TPRG1: variants seen among roughly 807,000 people sequenced by gnomAD.
TPRG1 encodes the protein tumor protein p63-regulated gene 1 protein.
TPRG1 carries 29 observed loss-of-function variants against 29.3 expected under a neutral mutation model. That is an observed-to-expected ratio of 0.99 (90% CI 0.74 to 1.35). The LOEUF is 1.35. Among genes scored for constraint, TPRG1 ranks in the 40% most tolerant of loss-of-function variants. The pLI is 0.00. For missense variants in TPRG1, 327 were observed against 335.0 expected (o/e 0.98, Z 0.19); for synonymous variants, 130 against 116.8 (o/e 1.11, Z -0.73).
chr3:189,296,971 C>CTCT (rs57313799), intron 4 of TPRG1, among the ~76,000 whole-genome samples: 15,974 of 151,434 alleles, frequency 0.11, 932 homozygotes, highest in East Asian at 0.2. Context: ...CTGATAAACC[C>CTCT]TCTTCTTCTT....
intron 1 of TPRG1, among the ~76,000 whole-genome samples, chr3:189,197,739 CTGGATATGTA>C (rs1732777427): frequency 6.6e-6 from 1 of 152,128 alleles, no homozygotes; most frequent in Non-Finnish European, 1.5e-5. Context: ...CCCAAGAGAT[CTGGATATGTA>C]GATTAAGTGG....
chr3:189,125,875 G>GTGTGTGTGTGT (rs1553907353), intron 1 of TPRG1, among the ~76,000 whole-genome samples: 1 of 131,828 alleles, frequency 7.6e-6, no homozygotes, highest in Non-Finnish European at 1.6e-5. Context: ...GTGTGTGTTT[G>GTGTGTGTGTGT]GTATATTTAG....
At chr3:189,042,462 CA>C (rs1714694470) in intron 4 of TPRG1, among the ~76,000 whole-genome samples, 1 of 151,978 alleles carries the variant, frequency 6.6e-6, no homozygotes. Context: ...TGTTATGTTT[CA>C]AAAATCTCAT....
At chr3:189,199,535 G>A (rs1449174593) in intron 1 of TPRG1, among the ~76,000 whole-genome samples, 1 of 152,070 alleles carries the variant, frequency 6.6e-6, no homozygotes, top group Non-Finnish European at 1.5e-5. Context: ...AACCCCTCAG[G>A]TAACCTCAAG....
At position 189,133,455 on chromosome 3, in the gene TPRG1, G is replaced by A. The variant is rs766278558; in HGVS notation, c.-291+758G>A. Among the ~76,000 whole-genome samples, 8 of 152,204 alleles carry A rather than the reference G, an allele frequency of 5.3e-5. No homozygotes were observed. In the East Asian group the frequency reaches 7.7e-4, roughly 15 times the overall value. ...TGCCATCTTGAATTGTAATCCCCTC[G>A]TATTGAGGGAGGGAAGTGACTGGAT... On this transcript the variant is annotated intron_variant, in intron 3 of 6. Transcript: ENST00000412373.
At chr3:189,111,687 A>C (rs1369670116) in intron 1 of TPRG1, among the ~76,000 whole-genome samples, 1 of 152,176 alleles carries the variant, frequency 6.6e-6, no homozygotes, top group African/African-American at 2.4e-5. Flanking sequence ...ATTTGTATAC[A>C]GTAACATGAT....
chr3:189,108,551 C>T (rs373802399), intron 1 of TPRG1, among the ~76,000 whole-genome samples: 5 of 147,220 alleles, frequency 3.4e-5, no homozygotes, highest in Admixed American at 6.7e-5. Context: ...TTTTTCGCCT[C>T]GGAACAACTG....
At chr3:189,132,904 G>C (rs1350950892) in intron 3 of TPRG1, among the ~76,000 whole-genome samples, 1 of 152,156 alleles carries the variant, frequency 6.6e-6, no homozygotes. Flanking sequence ...CAGGCACTGA[G>C]CTAAGTTCTG....
intron 4 of TPRG1, among the ~76,000 whole-genome samples, chr3:189,307,788 C>A (rs978954045): frequency 6.6e-6 from 1 of 152,148 alleles, no homozygotes; most frequent in East Asian, 1.9e-4. Context: ...TTCCAAGAGC[C>A]CTTCTAGCTC....
chr3:189,162,941 TA>T (rs879741858), intron 5 of TPRG1, among the ~76,000 whole-genome samples: 5 of 152,222 alleles, frequency 3.3e-5, no homozygotes, highest in African/African-American at 4.8e-5. Context: ...ATTTGTTAAA[TA>T]ATTAGAAATA....
intron 4 of TPRG1, among the ~76,000 whole-genome samples, chr3:189,044,276 C>T (rs890893071): frequency 6.6e-6 from 1 of 152,006 alleles, no homozygotes; most frequent in Non-Finnish European, 1.5e-5. Flanking sequence ...AAAATGTGGC[C>T]GGGTACGGTG....
At chr3:189,306,727 G>A (rs1392310624) in intron 4 of TPRG1, among the ~76,000 whole-genome samples, 1 of 152,124 alleles carries the variant, frequency 6.6e-6, no homozygotes, top group Non-Finnish European at 1.5e-5. Context: ...GTACAGAGTG[G>A]GTAGTATGGT....
rs1460392016 is a variant in TPRG1, at chr3:189,142,007, G to A, written c.-290-5577G>A. On this transcript the variant is annotated intron_variant, in intron 3 of 6. Transcript: ENST00000412373. ...CAAGCACCTGTTCAAAGACCTGAAA[G>A]AGGGACCAAGTTTAAGGAGTCTGAG... 3.9e-5 allele frequency among the ~76,000 whole-genome samples: 6 copies of A among 152,278 alleles called. No individual in the cohort carries two copies. In the East Asian group the frequency reaches 1.2e-3, roughly 29 times the overall value.
At chr3:189,247,880 C>G (rs547200356) in intron 4 of TPRG1, among the ~76,000 whole-genome samples, 43 of 151,700 alleles carry the variant, frequency 2.8e-4, no homozygotes, top group African/African-American at 1.0e-3. Flanking sequence ...TATTAATATA[C>G]TATTGAATAT....
intron 4 of TPRG1, among the ~76,000 whole-genome samples, chr3:189,249,024 ATAT>A (rs1741765840): frequency 6.6e-6 from 1 of 151,454 alleles, no homozygotes; most frequent in Non-Finnish European, 1.5e-5. Flanking sequence ...AGTATATCAT[ATAT>A]ATAGAGTTCT....
chr3:189,072,748 T>C (rs1716886053), intron 4 of TPRG1, among the ~76,000 whole-genome samples: 1 of 151,680 alleles, frequency 6.6e-6, no homozygotes, highest in Non-Finnish European at 1.5e-5. Flanking sequence ...TCGTTCTCTT[T>C]ATATCTCTCT....
At chr3:189,250,585 C>A (rs992001283) in intron 4 of TPRG1, among the ~76,000 whole-genome samples, 6 of 128,684 alleles carry the variant, frequency 4.7e-5, no homozygotes, top group Non-Finnish European at 9.3e-5. Context: ...TTACTTCTAA[C>A]TTATTTGGCC....
At chr3:189,225,221 A>G (rs911614295) in intron 3 of TPRG1, among the ~76,000 whole-genome samples, 2 of 152,146 alleles carry the variant, frequency 1.3e-5, no homozygotes, top group Admixed American at 6.5e-5. Context: ...GTGAGCCATC[A>G]CGCCCTGCCG....
chr3:189,312,938 T>C (rs533505802), intron 5 of TPRG1: 1 of 152,322 alleles, frequency 6.6e-6, no homozygotes, highest in Admixed American at 6.5e-5. Flanking sequence ...ACGAACATGA[T>C]AGACGGTGAG....
Sources: allele counts gnomAD v4.1 joint callset (sites outside exome capture counted in the v4.1 genomes callset), GRCh38; gene constraint gnomAD v4.1.1; transcripts MANE v1.5; gene names NCBI Gene and HGNC (gene_info 2026-07-23, HGNC 2026-07-21).